Variants in ATRNL1 observed in about 807,000 individuals in gnomAD.
ATRNL1 encodes the protein attractin like 1, also known as attractin-like protein 1.
ATRNL1 carries 95 observed loss-of-function variants against 182.7 expected under a neutral mutation model. That is an observed-to-expected ratio of 0.52 (90% CI 0.44 to 0.62). ATRNL1 has a LOEUF of 0.62. Ranked by LOEUF, ATRNL1 falls within the 20% of genes least tolerant of loss-of-function variation. The pLI, the probability that ATRNL1 is intolerant of heterozygous loss-of-function variation, is 0.00. For missense variants in ATRNL1, 1,471 were observed against 1,679.5 expected (o/e 0.88, Z 2.17); for synonymous variants, 576 against 568.3 (o/e 1.01, Z -0.19).
chr10:115,128,562 C>CA (rs1365333965), intron 4 of ATRNL1: 1 of 309,080 alleles, frequency 3.2e-6, no homozygotes, highest in Non-Finnish European at 4.7e-6. Flanking sequence ...CATGGTGGCT[C>CA]ACGCCTGTAA....
chr10:115,149,876 C>CTTTTTTT (rs57382865), intron 5 of ATRNL1, among the ~76,000 whole-genome samples: 2 of 123,280 alleles, frequency 1.6e-5, no homozygotes, highest in Non-Finnish European at 3.5e-5. Flanking sequence ...TCTCCTTTTC[C>CTTTTTTT]TTTTTTTTTT....
At chr10:115,128,427 G>A in intron 4 of ATRNL1, 1 of 788,740 alleles carries the variant, frequency 1.3e-6, no homozygotes, top group Non-Finnish European at 1.5e-6. Flanking sequence ...TTGGTAACCA[G>A]AGAATTTTTC....
rs1564989821 is a variant in ATRNL1 at position 115,389,546 on chromosome 10, A to ATATATATATG, written c.3176-5104_3176-5103insGTATATATAT. The stretch of plus-strand genomic sequence containing the variant: ...AGTATTCAAATGTGTATGTGTATAT[A>ATATATATATG]TATATATATATATATATATATATAT... On this transcript the variant is annotated intron_variant, in intron 19 of 28. Coordinates refer to ENST00000355044, the MANE Select transcript of ATRNL1 (RefSeq NM_207303.4). Among the ~76,000 whole-genome samples the ATATATATATG allele has an allele frequency of 2.1e-3, 34 of 16,392 alleles. 3 individuals are homozygous for ATATATATATG. The highest frequency in any genetic ancestry group is 3.5e-3 in the Non-Finnish European group (27 of 7,812). 10.8% of individuals were successfully genotyped at this position (16,392 alleles called of 152,430 possible). A position where few individuals can be genotyped will look rare whatever the true frequency, so the allele number is the denominator to read the frequency against.
chr10:115,744,891 C>T (rs931125483), intron 27 of ATRNL1, among the ~76,000 whole-genome samples: 1 of 152,048 alleles, frequency 6.6e-6, no homozygotes, highest in Non-Finnish European at 1.5e-5. Context: ...AGTAATATAT[C>T]TTAATTGTAA....
intron 21 of ATRNL1, among the ~76,000 whole-genome samples, chr10:115,432,538 A>G (rs1183249639): frequency 6.6e-6 from 1 of 152,166 alleles, no homozygotes; most frequent in African/African-American, 2.4e-5. Flanking sequence ...TCGAAATTTA[A>G]GATGCAAGTC....
At chr10:115,628,587 T>G (rs1221459932) in intron 26 of ATRNL1, among the ~76,000 whole-genome samples, 2 of 152,200 alleles carry the variant, frequency 1.3e-5, no homozygotes, top group Non-Finnish European at 2.9e-5. Flanking sequence ...TTGATGAAGT[T>G]CAATTTATAC....
At chr10:115,645,704 A>G (rs978730698) in intron 26 of ATRNL1, among the ~76,000 whole-genome samples, 4 of 151,928 alleles carry the variant, frequency 2.6e-5, no homozygotes, top group Non-Finnish European at 4.4e-5. Flanking sequence ...CATTAGAAAC[A>G]TACTCTGAAT....
chr10:115,178,891 A>T (rs1159320430), intron 8 of ATRNL1, among the ~76,000 whole-genome samples: 1 of 151,976 alleles, frequency 6.6e-6, no homozygotes, highest in Non-Finnish European at 1.5e-5. Flanking sequence ...TTTATTAATT[A>T]CATATATGCT....
intron 8 of ATRNL1, among the ~76,000 whole-genome samples, chr10:115,194,887 T>C (rs1367386481): frequency 6.6e-6 from 1 of 151,940 alleles, no homozygotes; most frequent in Non-Finnish European, 1.5e-5. Flanking sequence ...CCATGAGGTT[T>C]GCAAATAAAA....
chr10:115,334,213 T>A, intron 18 of ATRNL1, 69 bp from the exon 19 acceptor site: 1 of 1,042,448 alleles, frequency 9.6e-7, no homozygotes, highest in Non-Finnish European at 1.3e-6. Context: ...AGATACATTC[T>A]TTGTTTTGAT....
At chr10:115,129,652 T>C in intron 5 of ATRNL1, 117 bp downstream of exon 5, 1 of 708,802 alleles carries the variant, frequency 1.4e-6, no homozygotes, top group East Asian at 2.8e-5. Context: ...ATATATTTAC[T>C]TTTATTTTTA....
At chr10:115,597,778 G>A (rs1555014629) in intron 26 of ATRNL1, 2 of 379,012 alleles carry the variant, frequency 5.3e-6, no homozygotes, top group Admixed American at 3.3e-5. Flanking sequence ...CAGGCGATCT[G>A]CCCACCTCGG....
At chr10:115,684,964 T>G (rs1171442605) in intron 26 of ATRNL1, among the ~76,000 whole-genome samples, 6 of 151,772 alleles carry the variant, frequency 4.0e-5, no homozygotes, top group Non-Finnish European at 7.4e-5. Flanking sequence ...TCTTTTACAA[T>G]AATTTTCAAC....
chr10:115,414,532 TTAAA>T (rs1286727999), intron 20 of ATRNL1, among the ~76,000 whole-genome samples: 81 of 152,066 alleles, frequency 5.3e-4, no homozygotes, highest in African/African-American at 1.9e-3. Context: ...AAATAATTAA[TTAAA>T]TATGTTGAAC....
intron 25 of ATRNL1, among the ~76,000 whole-genome samples, chr10:115,537,091 T>C (rs1179690659): frequency 1.3e-5 from 2 of 152,216 alleles, no homozygotes; most frequent in African/African-American, 2.4e-5. Context: ...CTTAGGAATT[T>C]TCTCCATGGT....
chr10:115,646,068 C>CACACACACACACAA (rs1354940128), intron 26 of ATRNL1, among the ~76,000 whole-genome samples: 2 of 150,874 alleles, frequency 1.3e-5, no homozygotes, highest in Non-Finnish European at 2.9e-5. Context: ...CACACACACA[C>CACACACACACACAA]AAACATATAT....
At chr10:115,566,799 C>A (rs1414338309) in intron 26 of ATRNL1, among the ~76,000 whole-genome samples, 3 of 152,096 alleles carry the variant, frequency 2.0e-5, no homozygotes, top group Non-Finnish European at 4.4e-5. Context: ...TTAAGTTACA[C>A]ATTAATGTTT....
intron 19 of ATRNL1, among the ~76,000 whole-genome samples, chr10:115,390,047 T>C (rs1843940910): frequency 6.6e-6 from 1 of 152,182 alleles, no homozygotes; most frequent in Non-Finnish European, 1.5e-5. Flanking sequence ...TTGTGTTCTT[T>C]CTTTTCTTGC....
rs148778993 is a variant in ATRNL1, at chr10:115,549,142, C to T, written c.3717-316C>T. Among the ~76,000 whole-genome samples the T allele has an allele frequency of 2.5e-3, 387 of 152,020 alleles. 1 individual carries two copies. Among genetic ancestry groups the T allele is most frequent in the African/African-American group, 8.7e-3 (362 of 41,476 alleles). On this transcript the variant is annotated intron_variant, in intron 25 of 28. Coordinates refer to ENST00000355044, the MANE Select transcript of ATRNL1 (RefSeq NM_207303.4). ...TTCCATATTTTATAACTCATAATAG[C>T]AATTCTAAATAGATTTTGGTTGTGA...
Sources: gnomAD v4.1 joint callset for allele counts (sites outside exome capture counted in the v4.1 genomes callset) on GRCh38, gnomAD v4.1.1 for gene constraint, MANE v1.5 for transcripts, NCBI Gene and HGNC (gene_info 2026-07-23, HGNC 2026-07-21) for gene names.